ESPL1: variants seen among roughly 807,000 people sequenced by gnomAD.
ESPL1 encodes the protein extra spindle pole bodies like 1, separase.
Under a neutral mutation model 217.2 loss-of-function variants are expected in ESPL1, and 50 were observed. That is an observed-to-expected ratio of 0.23 (90% CI 0.18 to 0.29). ESPL1 has a LOEUF of 0.29. Among genes scored for constraint, ESPL1 ranks in the 10% least tolerant of loss-of-function variants. The pLI, the probability that ESPL1 is intolerant of heterozygous loss-of-function variation, is 1.00. For missense variants in ESPL1, 1,834 were observed against 2,603.0 expected, an observed-to-expected ratio of 0.70 and a Z score of 6.43; for synonymous variants, 994 against 1,081.3, an observed-to-expected ratio of 0.92 and a Z score of 1.58.
Position 53,292,750 on chromosome 12 carries a change from C to T in ESPL1, c.5997-56C>T. ...TGGGACTTGAGAGCCTCTGAAGACA[C>T]AGGCAGAGGCCAGGTATTACTAGCT... On this transcript the variant is annotated intron_variant, in intron 29 of 30. Transcript: ENST00000257934. The surrounding 1 kb of genome is among the most constrained non-coding windows in gnomAD (Gnocchi z 4.5). 6.3e-7 allele frequency: 1 copy of T among 1,599,968 alleles called. No homozygotes were observed. Among genetic ancestry groups the T allele is most frequent in the South Asian group, 1.1e-5 (1 of 90,738 alleles).
chr12:53,270,025 G>C lies in ESPL1; in HGVS notation c.1083G>C (p.Leu361=). Residue 361 remains leucine (L), a synonymous_variant, in exon 3 of 31, where the codon CTG becomes CTC. Coordinates refer to ENST00000257934, the MANE Select transcript of ESPL1 (RefSeq NM_012291.5). ...TKRRYRLDAI[L]SLFAFLGGYC... ...GGCGCTATAGACTTGATGCCATTCT[G>C]AGCCTCTTTGCTTTTCTTGGAGGGT... 2 of 1,614,160 alleles carry C rather than the reference G, an allele frequency of 1.2e-6. No homozygotes were observed. The highest frequency in any genetic ancestry group is 2.2e-5 in the South Asian group (2 of 91,082).
At position 53,277,921 on chromosome 12, in the gene ESPL1, A is replaced by G; in HGVS notation, c.2325A>G (p.Ser775=). The stretch of plus-strand genomic sequence containing the variant: ...GGTGTCTCCAGCAGACAGCAGCCTC[A>G]CTGCAGATCCTAGCAGCCCTCTACC... The part of the protein sequence containing the change: ...AVRCLQQTAA[S]LQILAALYQL... Residue 775 remains serine, a synonymous_variant, in exon 11 of 31, where the codon TCA becomes TCG. Coordinates refer to ENST00000257934, the MANE Select transcript of ESPL1 (RefSeq NM_012291.5). 6.2e-7 allele frequency: 1 copy of G among 1,614,098 alleles called. No individual in the cohort carries two copies. Among genetic ancestry groups the G allele is most frequent in the Non-Finnish European group, 8.5e-7 (1 of 1,180,014 alleles).
Position 53,290,984 on chromosome 12 carries a change from C to A in ESPL1, c.5508C>A (p.Arg1836=), listed in dbSNP as rs1944047499. 5.0e-6 allele frequency: 8 copies of A among 1,590,504 alleles called. No individual in the cohort carries two copies. Among genetic ancestry groups the A allele is most frequent in the Non-Finnish European group, 6.8e-6 (8 of 1,168,666 alleles). Reference sequence around the variant, plus strand: ...ACTGTGGCTGGAAATATCCTGACCGCACTCTGCTGAAAGTGAGTGAGGAAA... The same window carrying A: ...ACTGTGGCTGGAAATATCCTGACCGAACTCTGCTGAAAGTGAGTGAGGAAA... ...LQDCGWKYPD[R]TLLKIMLSGA... is the part of the protein sequence containing the mutation. Residue 1836 remains arginine, a synonymous_variant, in exon 25 of 31, where the codon CGC becomes CGA. Coordinates refer to ENST00000257934, the MANE Select transcript of ESPL1 (RefSeq NM_012291.5).
chr12:53,270,906 G>A lies in ESPL1; in HGVS notation c.1369+108G>A, dbSNP rs539196347. ...CTGACCACTGTGAGGGTTCCTTATG[G>A]TTCAAGGAGGCAGTGAGAGAAATGT... is the stretch of plus-strand genomic sequence containing the variant. On this transcript the variant is annotated intron_variant, in intron 5 of 30. Coordinates refer to ENST00000257934, the MANE Select transcript of ESPL1 (RefSeq NM_012291.5). The A allele has an allele frequency of 2.1e-5, 25 of 1,202,728 alleles. No homozygotes were observed. The East Asian group carries it at 5.9e-4, about 29-fold the overall frequency. The allele number at this position is 1,202,728 out of a possible 1,614,324, so 74.5% of individuals were successfully genotyped here. A position where few individuals can be genotyped will look rare whatever the true frequency, so the allele number is the denominator to read the frequency against.
chr12:53,292,037 C>A lies in ESPL1; in HGVS notation c.5745C>A (p.Val1915=). 1 of 1,614,164 alleles carries A rather than the reference C, an allele frequency of 6.2e-7. No homozygotes were observed. Among genetic ancestry groups the A allele is most frequent in the South Asian group, 1.1e-5 (1 of 91,078 alleles). ...ESMPSLQALP[V]TRLPSFRFLL... ...TGCCCAGCCTCCAAGCACTGCCTGT[C>A]ACCCGGCTGCCCTCCTTCCGCTTCC... The change falls in exon 27 of 31, where the codon GTC becomes GTA. Residue 1915 remains valine (V), a synonymous_variant. Transcript: ENST00000257934. The surrounding 1 kb of genome is among the most constrained non-coding windows in gnomAD (Gnocchi z 4.5).
intron 13 of ESPL1, 60 bp downstream of exon 13, chr12:53,281,686 CTTGATATTTGCCTGGCTT>C: frequency 2.6e-6 from 4 of 1,531,050 alleles, no homozygotes; most frequent in Non-Finnish European, 3.6e-6. Flanking sequence ...TTAGGATTTT[CTTGATATTTGCCTGGCTT>C]TTGAGATTTC....
chr12:53,270,650 C>T (rs367983712), intron 4 of ESPL1, 28 bp from the exon 5 acceptor site: 36 of 1,613,914 alleles, frequency 2.2e-5, no homozygotes, highest in Non-Finnish European at 3.1e-5. Flanking sequence ...CATGACTCCT[C>T]ACTCTCAAAC....
At chr12:53,276,520 AC>A in intron 7 of ESPL1, 99 bp from the exon 8 acceptor site, 3 of 1,350,456 alleles carry the variant, frequency 2.2e-6, no homozygotes, top group Non-Finnish European at 3.0e-6. Flanking sequence ...CTGGAAACCT[AC>A]TGAGCAAGCC....
chr12:53,286,290 A>G lies in ESPL1; in HGVS notation c.3554A>G (p.Gln1185Arg). 1 of 1,614,194 alleles carries G rather than the reference A, an allele frequency of 6.2e-7. No individual in the cohort carries two copies. Among genetic ancestry groups the G allele is most frequent in the Non-Finnish European group, 8.5e-7 (1 of 1,180,038 alleles). ...GHQAQGLDLL[Q>R]VVLKGCPEAA... is the part of the protein sequence containing the mutation. ...CAAGCCCAGGGTCTGGATCTGCTGCAGGTCGTGCTGAAGGGCTGTCCTGAA... is the reference window on the plus strand; with the variant it reads ...CAAGCCCAGGGTCTGGATCTGCTGCGGGTCGTGCTGAAGGGCTGTCCTGAA... Residue 1185 changes from glutamine to arginine, a missense_variant, in exon 18 of 31, where the codon CAG (glutamine) becomes CGG (arginine). By Grantham distance (43) the Gln-to-Arg change is conservative. Transcript: ENST00000257934. This position sits in a 1 kb window ranked among gnomAD's most constrained non-coding sequence, Gnocchi z 5.3.
chr12:53,269,006 A>G lies in ESPL1; in HGVS notation c.82-18A>G. 1 of 1,598,444 alleles carries G rather than the reference A, an allele frequency of 6.3e-7. No individual in the cohort carries two copies. ...TCCTGCCTTTGCTAGCCCCATTCATATCTTTCTCTACTCCTAGGAGTTCCT... is the reference window on the plus strand; with the variant it reads ...TCCTGCCTTTGCTAGCCCCATTCATGTCTTTCTCTACTCCTAGGAGTTCCT... On this transcript the variant is annotated intron_variant, in intron 2 of 30. Transcript: ENST00000257934. The surrounding 1 kb of genome is among the most constrained non-coding windows in gnomAD (Gnocchi z 6.7).
rs775431188 is a variant in ESPL1 at position 53,290,091 on chromosome 12, CTG to C, written c.5130_5131del (p.Leu1711GlyfsTer45). The C allele has an allele frequency of 1.2e-6, 2 of 1,612,024 alleles. No homozygotes were observed. Among genetic ancestry groups the C allele is most frequent in the Non-Finnish European group, 8.5e-7 (1 of 1,179,534 alleles). On this transcript the variant is annotated frameshift_variant, in exon 23 of 31. Transcript: ENST00000257934. LOFTEE classifies it high-confidence loss of function. Reference sequence around the variant, plus strand: ...GCTGTATCCTGTGTGTCAGGGGTGACTGTGTGTGTGTTGGCCCTGGCCACCCT... The same window carrying C: ...GCTGTATCCTGTGTGTCAGGGGTGACTGTGTGTGTTGGCCCTGGCCACCCT...
intron 24 of ESPL1, 152 bp from the exon 25 acceptor site, chr12:53,290,689 G>A (rs1397500412): frequency 6.5e-3 from 22 of 3,406 alleles, no homozygotes; most frequent in Non-Finnish European, 7.9e-3. Context: ...GAAAAAAAAC[G>A]ACTTAAACCC....
At chr12:53,291,029 C>T in intron 25 of ESPL1, 33 bp downstream of exon 25, 2 of 1,541,308 alleles carry the variant, frequency 1.3e-6, no homozygotes, top group Non-Finnish European at 1.8e-6. Context: ...GGGGCCAGGC[C>T]CAGTGGCTTG....
In ESPL1 at chr12:53,270,726, AC is replaced by A; in HGVS notation, c.1299del (p.Val434LeufsTer8). The A allele has an allele frequency of 6.2e-7, 1 of 1,614,068 alleles. No homozygotes were observed. Among genetic ancestry groups the A allele is most frequent in the Non-Finnish European group, 8.5e-7 (1 of 1,179,990 alleles). On this transcript the variant is annotated frameshift_variant, in exon 5 of 31. Transcript: ENST00000257934. LOFTEE classifies it high-confidence loss of function. The part of the protein sequence containing the change: ...LTQLVDSCKS[T>X]VVWMLEALEG... ...CCAACTAGTGGACAGTTGTAAATCT[AC>A]CGTTGTCTGGATGCTGGAGGCCTTA...
At position 53,269,650 on chromosome 12, in the gene ESPL1, A is replaced by G. The variant is rs1217676830; in HGVS notation, c.708A>G (p.Arg236=). Residue 236 remains arginine (R), a synonymous_variant, in exon 3 of 31, where the codon AGA becomes AGG. Transcript: ENST00000257934. This position sits in a 1 kb window ranked among gnomAD's most constrained non-coding sequence, Gnocchi z 6.7. The part of the protein sequence containing the change: ...RHVIRALVGE[R]GSSSGLLSPQ... The stretch of plus-strand genomic sequence containing the variant: ...TGATCAGAGCCTTGGTGGGTGAGAG[A>G]GGGAGCTCTTCTGGGCTTCTTTCTC... 3.7e-6 allele frequency: 6 copies of G among 1,614,114 alleles called. No homozygotes were observed. The highest frequency in any genetic ancestry group is 5.1e-6 in the Non-Finnish European group (6 of 1,180,020).
Position 53,288,387 on chromosome 12 carries a change from G to C in ESPL1, c.4546+46G>C, listed in dbSNP as rs996392058. On this transcript the variant is annotated intron_variant, in intron 19 of 30. Transcript: ENST00000257934. ...TGGAAGGTGCATGTTTTGGGGGTTTGTTCTGGGGCAAAGCACAAGCAGTAA... is the reference window on the plus strand; with the variant it reads ...TGGAAGGTGCATGTTTTGGGGGTTTCTTCTGGGGCAAAGCACAAGCAGTAA... 11 of 1,548,678 alleles carry C rather than the reference G, an allele frequency of 7.1e-6. No individual in the cohort carries two copies. The African/African-American group carries it at 1.4e-4, about 19-fold the overall frequency.
In ESPL1 at chr12:53,269,200, AG is replaced by A; in HGVS notation, c.259del (p.Val87CysfsTer83). 1 of 1,614,160 alleles carries A rather than the reference AG, an allele frequency of 6.2e-7. No homozygotes were observed. The highest frequency in any genetic ancestry group is 8.5e-7 in the Non-Finnish European group (1 of 1,180,022). Reference sequence around the variant, plus strand: ...CAGAGCTGGCCTGTGATGGCTACTTAGTGTCTACCCCACAGCGTCCTCCCCT... The same window carrying A: ...CAGAGCTGGCCTGTGATGGCTACTTATGTCTACCCCACAGCGTCCTCCCCT... ...LAELACDGYL[V>X]STPQRPPLYL... On this transcript the variant is annotated frameshift_variant, in exon 3 of 31. Transcript: ENST00000257934. LOFTEE classifies it high-confidence loss of function. The surrounding 1 kb of genome is among the most constrained non-coding windows in gnomAD (Gnocchi z 6.7).
In ESPL1 at chr12:53,286,143, T is replaced by C. The variant is rs777519085; in HGVS notation, c.3407T>C (p.Ile1136Thr). Residue 1136 changes from isoleucine (I) to threonine (T), a missense_variant, in exon 18 of 31, where the codon ATA (isoleucine) becomes ACA (threonine). Physicochemically the swap from Ile to Thr is moderately conservative, Grantham distance 89. This residue lies in a region of ESPL1 where 681 missense variants were observed against 808.0 expected (regional missense o/e 0.84). Transcript: ENST00000257934. The surrounding 1 kb of genome is among the most constrained non-coding windows in gnomAD (Gnocchi z 5.3). ...SPVLKTKPQPIPNFLSHSPTC... is the reference protein window; with the variant it reads ...SPVLKTKPQPTPNFLSHSPTC... ...GTCTTGAAAACCAAGCCCCAGCCCA[T>C]ACCCAACTTCCTGTCCCATTCACCC... The C allele has an allele frequency of 6.2e-7, 1 of 1,614,196 alleles. No homozygotes were observed. The highest frequency in any genetic ancestry group is 2.2e-5 in the East Asian group (1 of 44,884).
chr12:53,289,859 C>T, intron 22 of ESPL1: 1 of 607,788 alleles, frequency 1.6e-6, no homozygotes, highest in Admixed American at 3.1e-5. Flanking sequence ...AACATATTCA[C>T]ATGATTTGAG....
Sources: allele counts gnomAD v4.1 joint callset, GRCh38; gene constraint gnomAD v4.1.1; regional missense constraint gnomAD v4.1.1; non-coding constraint Gnocchi (gnomAD v3.1); transcripts MANE v1.5; gene names NCBI Gene and HGNC (gene_info 2026-07-23, HGNC 2026-07-21).